DNAH5: variants seen among roughly 807,000 people sequenced by gnomAD.
The protein encoded by DNAH5 is dynein axonemal heavy chain 5.
In DNAH5, 372 loss-of-function variants were observed where a neutral mutation model predicts 518.2. That is an observed-to-expected ratio of 0.72 (90% CI 0.66 to 0.78). The LOEUF is 0.78. DNAH5 is among the 30% of genes least tolerant of loss of function. The pLI, the probability that DNAH5 is intolerant of heterozygous loss-of-function variation, is 0.00. For synonymous variants in DNAH5, 2,039 were observed against 2,025.9 expected (o/e 1.01, Z -0.17); for missense variants, 5,523 against 5,687.0 (o/e 0.97, Z 0.93).
intron 15 of DNAH5, among the ~76,000 whole-genome samples, chr5:13,896,138 T>C (rs1209380054): frequency 6.6e-6 from 1 of 151,974 alleles, no homozygotes; most frequent in Non-Finnish European, 1.5e-5. Context: ...AGGTACAGTT[T>C]AGCAGCAAAA....
rs375200875 is a variant in DNAH5 at position 13,794,054 on chromosome 5, G to A, written c.7892C>T (p.Thr2631Met). 138 of 1,613,574 alleles carry A rather than the reference G, an allele frequency of 8.6e-5. No individual in the cohort carries two copies. In the African/African-American group the frequency reaches 9.6e-4, roughly 11 times the overall value. Residue 2631 changes from threonine to methionine, a missense_variant, in exon 48 of 79, where the codon ACG becomes ATG. Physicochemically the swap from Thr to Met is moderately conservative, Grantham distance 81 (BLOSUM62 -1). Coordinates refer to ENST00000265104, the MANE Select transcript of DNAH5 (RefSeq NM_001369.3). ...TCGTTTATCCACATAGCTCTCTATC[G>A]TCCTCTGTGAAAAAAAAATCAACTG... ...SATTPLMFQR[T>M]IESYVDKRMG... is the part of the protein sequence containing the mutation.
chr5:13,808,582 G>A (rs1469585214), intron 46 of DNAH5, among the ~76,000 whole-genome samples: 1 of 152,200 alleles, frequency 6.6e-6, no homozygotes, highest in Non-Finnish European at 1.5e-5. Flanking sequence ...ATATTTTAGT[G>A]GGGAATAATA....
At chr5:13,956,514 A>C (rs924102666) in intron 1 of DNAH5, among the ~76,000 whole-genome samples, 1 of 151,960 alleles carries the variant, frequency 6.6e-6, no homozygotes, top group African/African-American at 2.4e-5. Flanking sequence ...TATCTTTGTT[A>C]ACTTGTTGCT....
intron 9 of DNAH5, among the ~76,000 whole-genome samples, chr5:13,915,060 T>C (rs1451902940): frequency 6.6e-6 from 1 of 152,044 alleles, no homozygotes; most frequent in Non-Finnish European, 1.5e-5. Flanking sequence ...GCAATGGAAA[T>C]GTCAAAAGGA....
At chr5:13,942,465 C>G (rs1779551789) in intron 1 of DNAH5, among the ~76,000 whole-genome samples, 1 of 152,152 alleles carries the variant, frequency 6.6e-6, no homozygotes, top group Non-Finnish European at 1.5e-5. Flanking sequence ...ACTTTCCTTG[C>G]TTGGCCAAAC....
chr5:13,759,546 C>A (rs4351149), intron 60 of DNAH5, among the ~76,000 whole-genome samples: 3 of 152,080 alleles, frequency 2.0e-5, no homozygotes, highest in Admixed American at 2.0e-4. Flanking sequence ...TAAATATCTA[C>A]GTTTTGTGTA....
chr5:13,859,641 T>A (rs1476495790), intron 29 of DNAH5, 36 bp from the exon 30 acceptor site: 1 of 1,600,496 alleles, frequency 6.2e-7, no homozygotes, highest in Non-Finnish European at 8.6e-7. Flanking sequence ...TTGGTTTTGT[T>A]TTTGTTGTGC....
At chr5:13,853,302 CA>C (rs554776339) in intron 30 of DNAH5, among the ~76,000 whole-genome samples, 3 of 152,188 alleles carry the variant, frequency 2.0e-5, no homozygotes, top group Non-Finnish European at 4.4e-5. Context: ...GGAACACTAA[CA>C]AACAGGAAGC....
At position 13,859,618 on chromosome 5, in the gene DNAH5, A is replaced by G. The variant is rs1356734218; in HGVS notation, c.4797-13T>C. 5.6e-6 allele frequency: 9 copies of G among 1,613,132 alleles called. No homozygotes were observed. The South Asian group carries it at 8.8e-5, about 16-fold the overall frequency. ...TGGCATATTGTACCTAAAATAAGAAATAGGTTTAGGGTTTGGTTTTGTTTT... is the reference window on the plus strand; with the variant it reads ...TGGCATATTGTACCTAAAATAAGAAGTAGGTTTAGGGTTTGGTTTTGTTTT... On this transcript the variant is annotated splice_polypyrimidine_tract_variant and intron_variant, in intron 29 of 78. Coordinates refer to ENST00000265104, the MANE Select transcript of DNAH5 (RefSeq NM_001369.3).
chr5:13,868,106 G>C, intron 24 of DNAH5, 114 bp from the exon 25 acceptor site: 1 of 849,338 alleles, frequency 1.2e-6, no homozygotes, highest in Non-Finnish European at 1.9e-6. Flanking sequence ...AAACTACCCT[G>C]AGAGTTCTAG....
chr5:13,724,242 C>A lies in DNAH5; in HGVS notation c.12034-2997G>T, dbSNP rs377756357. 1.6e-4 allele frequency among the ~76,000 whole-genome samples: 24 copies of A among 152,344 alleles called. No individual in the cohort carries two copies. In the East Asian group the frequency reaches 4.4e-3, roughly 28 times the overall value. ...CCCTTGCACCAGTGTGCCTTGGATG[C>A]AGGACACGGGGTCAAAGGAAATTAT... is the stretch of plus-strand genomic sequence containing the variant. On this transcript the variant is annotated intron_variant, in intron 70 of 78. Transcript: ENST00000265104.
At chr5:13,964,785 G>A (rs1196005243) in intron 1 of DNAH5, among the ~76,000 whole-genome samples, 15 of 152,216 alleles carry the variant, frequency 9.9e-5, no homozygotes, top group Non-Finnish European at 2.2e-4. Flanking sequence ...GATATATACA[G>A]TATCTGAAGT....
chr5:13,921,421 T>A (rs1198743819), intron 5 of DNAH5, among the ~76,000 whole-genome samples: 4 of 124,696 alleles, frequency 3.2e-5, no homozygotes, highest in African/African-American at 1.2e-4. Context: ...CTTCTCTCTC[T>A]CTCCCTCTCT....
intron 47 of DNAH5, among the ~76,000 whole-genome samples, chr5:13,798,301 C>A (rs758195473): frequency 6.6e-6 from 1 of 152,124 alleles, no homozygotes; most frequent in South Asian, 2.1e-4. Context: ...GGTGTTCTCA[C>A]GTCCATGGTA....
At chr5:13,798,072 G>A (rs1758114903) in intron 47 of DNAH5, among the ~76,000 whole-genome samples, 1 of 150,294 alleles carries the variant, frequency 6.7e-6, no homozygotes, top group African/African-American at 2.4e-5. Context: ...GGGGCTGGGG[G>A]AGGGATAGCA....
Position 13,890,951 on chromosome 5 carries a change from C to CA in DNAH5, c.2577+24dup, listed in dbSNP as rs370205604. ...AAAATGAATCACCAAAAACCTTAAA[C>CA]AAAAAAAATCAAGGTTTTAATGACC... On this transcript the variant is annotated intron_variant, in intron 17 of 78. Transcript: ENST00000265104. 184 of 1,612,824 alleles carry CA rather than the reference C, an allele frequency of 1.1e-4. No homozygotes were observed. In the African/African-American group the frequency reaches 1.2e-3, roughly 10 times the overall value.
intron 41 of DNAH5, 95 bp downstream of exon 41, chr5:13,820,251 T>G: frequency 8.0e-7 from 1 of 1,254,278 alleles, no homozygotes; most frequent in Non-Finnish European, 1.1e-6. Context: ...TAAAAATATA[T>G]TATTGTATCT....
chr5:13,942,918 A>G (rs1488590453), intron 1 of DNAH5, among the ~76,000 whole-genome samples: 1 of 151,998 alleles, frequency 6.6e-6, no homozygotes, highest in Non-Finnish European at 1.5e-5. Context: ...TCACTGAATA[A>G]TTTTTTTTCT....
chr5:13,754,261 T>G lies in DNAH5; in HGVS notation c.10497A>C (p.Glu3499Asp). Residue 3499 changes from glutamate (E) to aspartate (D), a missense_variant, in exon 62 of 79, where the codon GAA becomes GAC. Coordinates refer to ENST00000265104, the MANE Select transcript of DNAH5 (RefSeq NM_001369.3). ...ASTLISGLAG[E>D]KERWTEQSQE... ...GGCTTTGCTCTGTCCATCTTTCTTT[T>G]TCACCTGCCAAGCCACTGATGAGCG... is the stretch of plus-strand genomic sequence containing the variant. 6.2e-7 allele frequency: 1 copy of G among 1,614,130 alleles called. No homozygotes were observed. Among genetic ancestry groups the G allele is most frequent in the Non-Finnish European group, 8.5e-7 (1 of 1,179,994 alleles).
Sources: gnomAD v4.1 joint callset for allele counts (sites outside exome capture counted in the v4.1 genomes callset) on GRCh38, gnomAD v4.1.1 for gene constraint, MANE v1.5 for transcripts, NCBI Gene and HGNC (gene_info 2026-07-23, HGNC 2026-07-21) for gene names.